The following PTH2R variants were observed in gnomAD, a reference collection of about 807,000 sequenced individuals.
PTH2R encodes PTH2 receptor.
Under a neutral mutation model 60.3 loss-of-function variants are expected in PTH2R, and 59 were observed. That is an observed-to-expected ratio of 0.98 (90% confidence interval 0.79 to 1.22). The LOEUF (loss-of-function observed/expected upper bound fraction) is 1.22, where lower values mean the gene tolerates loss of function less well. Among genes scored for constraint, PTH2R ranks in the 50% most tolerant of loss-of-function variants. PTH2R has a pLI of 0.00. For synonymous variants in PTH2R, 256 were observed against 243.8 expected, an observed-to-expected ratio of 1.05 and a Z score of -0.47; for missense variants, 749 against 682.6, an observed-to-expected ratio of 1.10 and a Z score of -1.08.
chr2:208,413,668 T>C (rs768135417), intron 1 of PTH2R, among the ~76,000 whole-genome samples: 1 of 152,250 alleles, frequency 6.6e-6, no homozygotes, highest in Non-Finnish European at 1.5e-5. Context: ...TGAAGTTTTC[T>C]ATGTGTTGCT....
At chr2:208,370,097 G>T (rs768220991) in intron 1 of PTH2R, among the ~76,000 whole-genome samples, 21 of 152,024 alleles carry the variant, frequency 1.4e-4, no homozygotes, top group Admixed American at 5.9e-4. Context: ...TGGCAACAAT[G>T]CTACTTCTAT....
chr2:208,443,494 CA>C lies in PTH2R; in HGVS notation c.657del (p.Gln220LysfsTer22). The C allele has an allele frequency of 1.2e-6, 2 of 1,611,356 alleles. No individual in the cohort carries two copies. Among genetic ancestry groups the C allele is most frequent in the South Asian group, 2.2e-5 (2 of 90,434 alleles). ...GAGTCCCTAATAATGCAGGATGACC[CA>C]CAAAATTCCATTGAGGCAACTTCTG... ...ELESLIMQDD[P>X]QNSIEATSVD... On this transcript the variant is annotated frameshift_variant, in exon 6 of 13. Transcript: ENST00000272847. LOFTEE classifies it high-confidence loss of function.
intron 9 of PTH2R, among the ~76,000 whole-genome samples, chr2:208,476,613 A>G (rs1283184522): frequency 6.6e-6 from 1 of 152,214 alleles, no homozygotes; most frequent in Non-Finnish European, 1.5e-5. Context: ...AAATAAACAA[A>G]GCAAAAAAGT....
chr2:208,467,692 A>G (rs1287819862), intron 9 of PTH2R, among the ~76,000 whole-genome samples: 2 of 152,176 alleles, frequency 1.3e-5, no homozygotes, highest in Admixed American at 6.5e-5. Context: ...ACTTCAAGAT[A>G]GGTGCCTACA....
At chr2:208,433,666 A>G (rs1401486583) in intron 2 of PTH2R, among the ~76,000 whole-genome samples, 1 of 152,252 alleles carries the variant, frequency 6.6e-6, no homozygotes, top group Non-Finnish European at 1.5e-5. Context: ...AAGAGAGAAA[A>G]GGATATATAA....
intron 1 of PTH2R, among the ~76,000 whole-genome samples, chr2:208,391,461 C>G (rs1199348849): frequency 6.6e-6 from 1 of 152,110 alleles, no homozygotes; most frequent in Admixed American, 6.6e-5. Context: ...CAGGGCCATC[C>G]CCTTTCTTTC....
At chr2:208,364,239 C>T (rs1416754591) in intron 1 of PTH2R, among the ~76,000 whole-genome samples, 1 of 152,078 alleles carries the variant, frequency 6.6e-6, no homozygotes, top group Non-Finnish European at 1.5e-5. Context: ...TCCCATTTGT[C>T]CATTTTTTTT....
At chr2:208,365,322 T>C (rs1700557108) in intron 1 of PTH2R, among the ~76,000 whole-genome samples, 1 of 152,182 alleles carries the variant, frequency 6.6e-6, no homozygotes, top group Non-Finnish European at 1.5e-5. Context: ...ACCTTTATTA[T>C]GTGCAGGTAA....
chr2:208,434,312 A>AG (rs1019990460), intron 2 of PTH2R, among the ~76,000 whole-genome samples: 1 of 151,982 alleles, frequency 6.6e-6, no homozygotes, highest in Admixed American at 6.6e-5. Flanking sequence ...AAAAAAAAAA[A>AG]TCTCTATTTT....
intron 8 of PTH2R, among the ~76,000 whole-genome samples, chr2:208,452,107 C>T (rs574481189): frequency 1.3e-4 from 20 of 152,112 alleles, no homozygotes; most frequent in Non-Finnish European, 2.8e-4. Context: ...TAGTACCTGG[C>T]ACTAAATGGG....
At chr2:208,448,697 T>A (rs1050564466) in intron 7 of PTH2R, among the ~76,000 whole-genome samples, 1 of 150,406 alleles carries the variant, frequency 6.6e-6, no homozygotes, top group African/African-American at 2.5e-5. Context: ...TTTAAATTTA[T>A]ATTAAATTTA....
intron 1 of PTH2R, among the ~76,000 whole-genome samples, chr2:208,387,624 A>G (rs1701026090): frequency 6.6e-6 from 1 of 152,226 alleles, no homozygotes; most frequent in African/African-American, 2.4e-5. Flanking sequence ...GTTTTTTCCA[A>G]TTAGATGATC....
intron 1 of PTH2R, among the ~76,000 whole-genome samples, chr2:208,365,065 T>C (rs948721082): frequency 1.3e-4 from 20 of 152,094 alleles, no homozygotes; most frequent in African/African-American, 4.6e-4. Context: ...TTTTTTTTTT[T>C]TGGTGGAATC....
At chr2:208,442,258 A>T (rs1702199828) in intron 4 of PTH2R, 106 bp from the exon 5 acceptor site, 3 of 846,596 alleles carry the variant, frequency 3.5e-6, no homozygotes, top group Non-Finnish European at 5.8e-6. Flanking sequence ...AGCTTAAAAA[A>T]GTTAAAGAGA....
At chr2:208,449,684 T>C (rs1702364138) in intron 7 of PTH2R, among the ~76,000 whole-genome samples, 1 of 152,188 alleles carries the variant, frequency 6.6e-6, no homozygotes, top group Non-Finnish European at 1.5e-5. Context: ...AAAGACATTA[T>C]TGTGCATATC....
intron 1 of PTH2R, among the ~76,000 whole-genome samples, chr2:208,389,347 T>C (rs1271492004): frequency 2.0e-5 from 3 of 152,082 alleles, no homozygotes; most frequent in Admixed American, 2.0e-4. Context: ...TCATTAAAAT[T>C]TTTCCTTCTT....
At chr2:208,488,750 A>C (rs2105911364) in intron 10 of PTH2R, among the ~76,000 whole-genome samples, 1 of 152,236 alleles carries the variant, frequency 6.6e-6, no homozygotes, top group Admixed American at 6.5e-5. Flanking sequence ...GGTGGCAAGC[A>C]CCTGTAGTCA....
At chr2:208,438,373 C>T (rs1267614648) in intron 4 of PTH2R, among the ~76,000 whole-genome samples, 1 of 152,088 alleles carries the variant, frequency 6.6e-6, no homozygotes, top group Admixed American at 6.6e-5. Context: ...GAGCAAGGGG[C>T]ATCATATAAA....
chr2:208,391,265 G>A (rs1313332151), intron 1 of PTH2R, among the ~76,000 whole-genome samples: 4 of 152,192 alleles, frequency 2.6e-5, no homozygotes, highest in Non-Finnish European at 5.9e-5. Flanking sequence ...GTAAGGAAAG[G>A]CCATCCATAC....
Sources: allele counts gnomAD v4.1 joint callset (sites outside exome capture counted in the v4.1 genomes callset), GRCh38; gene constraint gnomAD v4.1.1; transcripts MANE v1.5; gene names NCBI Gene and HGNC (gene_info 2026-07-23, HGNC 2026-07-21).